Variants in RANBP2 observed in about 807,000 individuals in gnomAD.
RANBP2 encodes the protein E3 SUMO-protein ligase RanBP2.
A neutral mutation model predicts 303.6 loss-of-function variants in RANBP2; 57 were observed. The observed-to-expected ratio is 0.19, with a 90% confidence interval of 0.15 to 0.23. The LOEUF (loss-of-function observed/expected upper bound fraction) is 0.23, where lower values mean the gene tolerates loss of function less well. Among genes scored for constraint, RANBP2 ranks in the 10% least tolerant of loss-of-function variants. The pLI, the probability that RANBP2 is intolerant of heterozygous loss-of-function variation, is 1.00. For synonymous variants in RANBP2, 1,167 were observed against 1,301.5 expected (o/e 0.90, Z 2.23); for missense variants, 3,138 against 3,780.8 (o/e 0.83, Z 4.46).
chr2:109,397,510 T>C, the RANBP2 span, among the ~76,000 whole-genome samples: 1 of 152,192 alleles, frequency 6.6e-6, no homozygotes, highest in Non-Finnish European at 1.5e-5. Context: ...GGTGTGCACT[T>C]AGGCTGAGCC....
the RANBP2 span, chr2:109,614,260 G>A: frequency 1.4e-6 from 1 of 695,868 alleles, no homozygotes; most frequent in Non-Finnish European, 1.9e-6. Context: ...ACAGCGGGGA[G>A]CGGAAGTGGG....
the RANBP2 span, among the ~76,000 whole-genome samples, chr2:109,080,768 T>C: frequency 6.6e-6 from 1 of 152,246 alleles, no homozygotes; most frequent in Non-Finnish European, 1.5e-5. Context: ...AGTAAAATTA[T>C]GTATGTGTGT....
intron 1 of RANBP2, among the ~76,000 whole-genome samples, chr2:108,727,443 G>T (rs1298630881): frequency 6.6e-6 from 1 of 152,118 alleles, no homozygotes; most frequent in Non-Finnish European, 1.5e-5. Context: ...TTTGTGGGTG[G>T]AGGACACAAA....
the RANBP2 span, among the ~76,000 whole-genome samples, chr2:109,445,756 G>C: frequency 4.6e-5 from 7 of 152,260 alleles, no homozygotes; most frequent in African/African-American, 7.2e-5. Flanking sequence ...GAAGTAGAGA[G>C]GGGGGTTGGC....
chr2:108,796,289 C>T, the RANBP2 span, among the ~76,000 whole-genome samples: 75 of 151,550 alleles, frequency 4.9e-4, no homozygotes, highest in African/African-American at 1.1e-3. Context: ...CTCCTGACCT[C>T]GTGATCCGCC....
chr2:109,239,198 A>G, the RANBP2 span, among the ~76,000 whole-genome samples: 1 of 152,090 alleles, frequency 6.6e-6, no homozygotes, highest in Non-Finnish European at 1.5e-5. Flanking sequence ...AGCCCTGCAC[A>G]GTGCTCCGAA....
chr2:109,654,453 T>C, the RANBP2 span, among the ~76,000 whole-genome samples: 2 of 152,018 alleles, frequency 1.3e-5, no homozygotes, highest in Admixed American at 1.3e-4. Flanking sequence ...TCCCTTTTCA[T>C]TATGAGCTCT....
chr2:109,324,981 A>C, the RANBP2 span, among the ~76,000 whole-genome samples: 3 of 152,196 alleles, frequency 2.0e-5, no homozygotes, highest in African/African-American at 7.2e-5. Context: ...CAGTTTTGGC[A>C]AGGAAAAGTT....
At chr2:109,242,908 C>G in the RANBP2 span, among the ~76,000 whole-genome samples, 2 of 152,200 alleles carry the variant, frequency 1.3e-5, no homozygotes, top group African/African-American at 4.8e-5. Flanking sequence ...CCTCACAGAA[C>G]AGCATTAGGA....
chr2:109,183,047 G>A, the RANBP2 span, among the ~76,000 whole-genome samples: 8 of 152,108 alleles, frequency 5.3e-5, no homozygotes, highest in African/African-American at 1.2e-4. Context: ...TTTTCTAGTC[G>A]TTTTTATCCC....
the RANBP2 span, among the ~76,000 whole-genome samples, chr2:109,512,180 G>T: frequency 4.6e-5 from 7 of 152,166 alleles, no homozygotes; most frequent in Admixed American, 1.3e-4. Context: ...TCCTGGCTCT[G>T]GCCTGGGACC....
At chr2:108,843,542 T>C in the RANBP2 span, among the ~76,000 whole-genome samples, 139,719 of 152,252 alleles carry the variant, frequency 0.92, 64,182 homozygotes, top group East Asian at 1. Context: ...ATATTTTCAC[T>C]GGGTATCAGA....
chr2:108,839,286 A>AG, the RANBP2 span: 1 of 1,611,506 alleles, frequency 6.2e-7, no homozygotes, highest in Non-Finnish European at 8.5e-7. Flanking sequence ...TAAGGCAGCT[A>AG]GATGCTGGAG....
the RANBP2 span, among the ~76,000 whole-genome samples, chr2:109,304,506 C>G: frequency 6.6e-6 from 1 of 152,314 alleles, no homozygotes; most frequent in East Asian, 1.9e-4. Context: ...TGAGTCTCCT[C>G]TCTCCAACCC....
the RANBP2 span, among the ~76,000 whole-genome samples, chr2:109,703,575 C>T: frequency 1.3e-5 from 2 of 152,124 alleles, no homozygotes; most frequent in East Asian, 1.9e-4. Context: ...ATTACAGGCA[C>T]GTGCCACCAC....
At chr2:109,360,811 C>G in the RANBP2 span, among the ~76,000 whole-genome samples, 1 of 152,116 alleles carries the variant, frequency 6.6e-6, no homozygotes, top group Non-Finnish European at 1.5e-5. Flanking sequence ...CTTTTAATTT[C>G]CTTTTCTTGT....
the RANBP2 span, among the ~76,000 whole-genome samples, chr2:109,021,853 T>C: frequency 1.2e-3 from 178 of 152,260 alleles, 1 homozygote; most frequent in Admixed American, 4.1e-3. Context: ...TTCAGGATTG[T>C]CTTTCCTGAG....
the RANBP2 span, among the ~76,000 whole-genome samples, chr2:109,603,229 TTATTAA>T: frequency 1.3e-5 from 2 of 151,808 alleles, no homozygotes; most frequent in South Asian, 2.1e-4. Flanking sequence ...ATTATTATCA[TTATTAA>T]TATTATTATT....
At chr2:108,890,478 C>T in the RANBP2 span, among the ~76,000 whole-genome samples, 119 of 152,238 alleles carry the variant, frequency 7.8e-4, no homozygotes, top group Non-Finnish European at 1.5e-3. Flanking sequence ...CTCCTGAGTA[C>T]GAGTGATCTA....
Sources: allele counts gnomAD v4.1 joint callset (sites outside exome capture counted in the v4.1 genomes callset), GRCh38; gene constraint gnomAD v4.1.1; transcripts MANE v1.5; gene names NCBI Gene and HGNC (gene_info 2026-07-23, HGNC 2026-07-21).